Variants in FBN1 observed in about 807,000 individuals in gnomAD.
The protein encoded by FBN1 is fibrillin 1.
FBN1 carries 29 observed loss-of-function variants against 365.1 expected under a neutral mutation model. The ratio of observed to expected loss-of-function variants is 0.08; its 90% CI spans 0.06 to 0.11. The LOEUF is 0.11. FBN1 is among the 10% of genes least tolerant of loss of function. The probability of loss-of-function intolerance (pLI) is 1.00; values close to 1 mark genes in which losing one functional copy is unlikely to be tolerated. For synonymous variants in FBN1, 1,210 were observed against 1,270.5 expected, an observed-to-expected ratio of 0.95 and a Z score of 1.01; for missense variants, 2,476 against 3,703.2, an observed-to-expected ratio of 0.67 and a Z score of 8.60.
intron 16 of FBN1, 70 bp downstream of exon 16, chr15:48,504,955 T>C (rs1041543485): frequency 6.2e-7 from 1 of 1,601,668 alleles, no homozygotes; most frequent in South Asian, 1.1e-5. Flanking sequence ...AGAGCGTTTG[T>C]TACCATTGGG....
In FBN1 at chr15:48,463,561, T is replaced by C. The variant is rs552533863; in HGVS notation, c.5066-321A>G. On this transcript the variant is annotated intron_variant, in intron 41 of 65. Transcript: ENST00000316623. ...TTCCCTACTGCCATTTGGCAATAAG[T>C]TTCTCGTTTCCGACTCGTGATGTTT... is the stretch of plus-strand genomic sequence containing the variant. Among the ~76,000 whole-genome samples the C allele has an allele frequency of 2.0e-5, 3 of 152,374 alleles. No homozygotes were observed. The South Asian group carries it at 6.2e-4, about 32-fold the overall frequency.
At chr15:48,619,423 C>G (rs1889723863) in intron 2 of FBN1, among the ~76,000 whole-genome samples, 1 of 152,110 alleles carries the variant, frequency 6.6e-6, no homozygotes, top group Non-Finnish European at 1.5e-5. Context: ...ACGTTTTCCT[C>G]CCAAGCCATG....
At position 48,488,086 on chromosome 15, in the gene FBN1, G is replaced by A. The variant is rs201707497; in HGVS notation, c.3337+27C>T. On this transcript the variant is annotated intron_variant, in intron 27 of 65. Transcript: ENST00000316623. ...AGCTTCATGGAATCCTTCTCTTTCT[G>A]TGTTGATCAAATGATCCCAAACTTA... 4.5e-5 allele frequency: 72 copies of A among 1,613,990 alleles called. No individual in the cohort carries two copies. The Admixed American group carries it at 1.1e-3, about 26-fold the overall frequency.
At chr15:48,597,594 C>T (rs376582964) in intron 5 of FBN1, among the ~76,000 whole-genome samples, 7 of 152,328 alleles carry the variant, frequency 4.6e-5, no homozygotes, top group South Asian at 2.1e-4. Context: ...TTATTCTTCA[C>T]GGGTCTTTTC....
chr15:48,500,763 A>T (rs1218267996), intron 17 of FBN1, among the ~76,000 whole-genome samples: 1 of 152,120 alleles, frequency 6.6e-6, no homozygotes, highest in Admixed American at 6.5e-5. Context: ...GTGAAATGTC[A>T]TTGTCAGAAG....
At position 48,595,068 on chromosome 15, in the gene FBN1, C is replaced by T. The variant is rs16961220; in HGVS notation, c.538+1215G>A. On this transcript the variant is annotated intron_variant, in intron 6 of 65. Coordinates refer to ENST00000316623, the MANE Select transcript of FBN1 (RefSeq NM_000138.5). ...ATGTAAAGGTCTATTATGCATTACA[C>T]ATCAATACCATGCAGTGGTCCCATT... Among the ~76,000 whole-genome samples the T allele has an allele frequency of 3.8e-3, 582 of 152,278 alleles. 15 individuals are homozygous for T. In the East Asian group the frequency reaches 0.069, roughly 18 times the overall value.
intron 7 of FBN1, among the ~76,000 whole-genome samples, chr15:48,535,949 C>T (rs1240411404): frequency 2.0e-5 from 3 of 152,090 alleles, no homozygotes; most frequent in African/African-American, 7.2e-5. Context: ...TTCTGGCCAA[C>T]AGAAAATATA....
rs1214531793 is a variant in FBN1, at chr15:48,427,771, T to A, written c.7000A>T (p.Asn2334Tyr). Residue 2334 changes from asparagine (N) to tyrosine (Y), a missense_variant and splice_region_variant, in exon 58 of 66, where the codon AAT becomes TAT. Physicochemically the swap from Asn to Tyr is moderately radical, Grantham distance 143. Around this residue, in one of 5 missense-constraint regions of FBN1, gnomAD observed 1,780 missense variants for 2,840.8 expected, o/e 0.63. Transcript: ENST00000316623. ...ASPNQDECLDNREGYCFTEVL... is the reference protein window; with the variant it reads ...ASPNQDECLDYREGYCFTEVL... ...TCTGTGAAGCAGTACCCTTCCCGAT[T>A]GTCTGGAAGGGACATTATATGGCAA... 7.4e-6 allele frequency: 12 copies of A among 1,613,308 alleles called. No individual in the cohort carries two copies. In the South Asian group the frequency reaches 1.3e-4, roughly 18 times the overall value.
rs145822648 is a variant in FBN1 at position 48,456,333 on chromosome 15, C to T, written c.5422+304G>A. On this transcript the variant is annotated intron_variant, in intron 44 of 65. Coordinates refer to ENST00000316623, the MANE Select transcript of FBN1 (RefSeq NM_000138.5). ...ATACTGATTTTCCAGCAATGTGAAA[C>T]GAAAGCAATCTATGTGACACACCCA... 2.6e-4 allele frequency among the ~76,000 whole-genome samples: 39 copies of T among 152,254 alleles called. 1 individual carries two copies. Among genetic ancestry groups the T allele is most frequent in the Middle Eastern group, 3.4e-3 (1 of 294 alleles).
intron 6 of FBN1, among the ~76,000 whole-genome samples, chr15:48,569,406 T>C (rs2044287960): frequency 6.6e-6 from 1 of 152,118 alleles, no homozygotes; most frequent in Non-Finnish European, 1.5e-5. Context: ...GGAAAATAAT[T>C]AGGCAGTTTC....
At chr15:48,558,328 A>G (rs1313344584) in intron 6 of FBN1, among the ~76,000 whole-genome samples, 14 of 152,230 alleles carry the variant, frequency 9.2e-5, no homozygotes, top group Non-Finnish European at 1.6e-4. Context: ...CATTATTAGC[A>G]TAAGGTTTAG....
intron 23 of FBN1, 80 bp from the exon 24 acceptor site, chr15:48,492,666 A>T (rs994446471): frequency 2.5e-5 from 29 of 1,172,588 alleles, no homozygotes; most frequent in Non-Finnish European, 3.6e-5. Context: ...AGTCATAATT[A>T]TTCCCCATTT....
At chr15:48,451,117 A>G (rs79686174) in intron 45 of FBN1, among the ~76,000 whole-genome samples, 3,904 of 152,280 alleles carry the variant, frequency 0.026, 81 homozygotes, top group East Asian at 0.083. Flanking sequence ...ACAGTAAATG[A>G]CTTAAGCTCC....
intron 12 of FBN1, 45 bp downstream of exon 12, chr15:48,515,342 G>C: frequency 6.2e-7 from 1 of 1,611,546 alleles, no homozygotes; most frequent in Non-Finnish European, 8.5e-7. Context: ...TCAAGGAACA[G>C]AATTACAACA....
intron 8 of FBN1, among the ~76,000 whole-genome samples, chr15:48,530,105 A>C (rs2043955990): frequency 9.7e-6 from 1 of 102,868 alleles, no homozygotes; most frequent in Non-Finnish European, 2.0e-5. Flanking sequence ...TGGAGTCTGA[A>C]TTCTTATCCA....
At chr15:48,456,507 C>G in intron 44 of FBN1, 130 bp downstream of exon 44, 1 of 957,242 alleles carries the variant, frequency 1.0e-6, no homozygotes, top group Non-Finnish European at 1.7e-6. Flanking sequence ...TGTTCCACAC[C>G]ATGCCCTTTA....
intron 15 of FBN1, among the ~76,000 whole-genome samples, chr15:48,505,779 T>C (rs2043703077): frequency 2.0e-5 from 3 of 152,352 alleles, no homozygotes; most frequent in South Asian, 2.1e-4. Context: ...ACAAACACTT[T>C]ATGGTATTTT....
At chr15:48,449,873 C>G (rs1834653) in intron 45 of FBN1, among the ~76,000 whole-genome samples, 3,321 of 152,258 alleles carry the variant, frequency 0.022, 68 homozygotes, top group East Asian at 0.083. Flanking sequence ...TGAATGGACA[C>G]TTTTTGCTGC....
chr15:48,409,733 A>G lies in FBN1; in HGVS notation c.*1257T>C, dbSNP rs2042845467. 1 of 152,176 alleles carries G rather than the reference A, an allele frequency of 6.6e-6. No individual in the cohort carries two copies. The highest frequency in any genetic ancestry group is 1.9e-4 in the East Asian group (1 of 5,198). 9.4% of individuals were successfully genotyped at this position (152,176 alleles called of 1,614,324 possible). A position where few individuals can be genotyped will look rare whatever the true frequency, so the allele number is the denominator to read the frequency against. On this transcript the variant is annotated 3_prime_UTR_variant, in exon 66 of 66. Transcript: ENST00000316623. ...TATATTTGAGAGGGGGGCATGATAA[A>G]TCTATTATAATGAAATTCATGTGCT...
Sources: allele counts gnomAD v4.1 joint callset (sites outside exome capture counted in the v4.1 genomes callset), GRCh38; gene constraint gnomAD v4.1.1; regional missense constraint gnomAD v4.1.1; transcripts MANE v1.5; gene names NCBI Gene and HGNC (gene_info 2026-07-23, HGNC 2026-07-21).